The following BIN1 variants were observed in gnomAD, a reference collection of about 807,000 sequenced individuals.
The protein encoded by BIN1 is myc box-dependent-interacting protein 1.
BIN1 carries 53 observed loss-of-function variants against 82.0 expected under a neutral mutation model. The ratio of observed to expected loss-of-function variants is 0.65; its 90% CI spans 0.52 to 0.81. The LOEUF (loss-of-function observed/expected upper bound fraction) is 0.81, where lower values mean the gene tolerates loss of function less well. BIN1 is among the 40% of genes least tolerant of loss of function. The pLI is 0.00. For missense variants in BIN1, 642 were observed against 784.4 expected (o/e 0.82, Z 2.17); for synonymous variants, 302 against 328.0 (o/e 0.92, Z 0.86).
Position 127,090,192 on chromosome 2 carries a change from C to A in BIN1, c.85-13486G>T, listed in dbSNP as rs1215658891. 6.6e-6 allele frequency among the ~76,000 whole-genome samples: 1 copy of A among 152,212 alleles called. No individual in the cohort carries two copies. Among genetic ancestry groups the A allele is most frequent in the Admixed American group, 6.5e-5 (1 of 15,286 alleles). ...CTGCAAGCCACCCCATTACGCTGGG[C>A]CCCTTTGGGAAAAGGGTAAACCGAC... On this transcript the variant is annotated intron_variant, in intron 1 of 18. Transcript: ENST00000316724. This position sits in a 1 kb window ranked among gnomAD's most constrained non-coding sequence, Gnocchi z 6.4.
In BIN1 at chr2:127,066,626, G is replaced by A. The variant is rs547652270; in HGVS notation, c.612+1537C>T. 1.2e-4 allele frequency among the ~76,000 whole-genome samples: 18 copies of A among 152,158 alleles called. No individual in the cohort carries two copies. In the East Asian group the frequency reaches 2.1e-3, roughly 18 times the overall value. ...TCCTCCTCTACCTCCAGAGGCAGAT[G>A]AAGTCTCAGGCCTACTGAAGTCCCC... On this transcript the variant is annotated intron_variant, in intron 7 of 18. Coordinates refer to ENST00000316724, the MANE Select transcript of BIN1 (RefSeq NM_139343.3).
At chr2:127,055,170 G>A (rs1297283801) in intron 12 of BIN1, 1 of 152,428 alleles carries the variant, frequency 6.6e-6, no homozygotes, top group Non-Finnish European at 1.5e-5. Context: ...CACTGACAGG[G>A]GCGCCCTCCC....
At chr2:127,094,151 AC>A (rs1417165937) in intron 1 of BIN1, among the ~76,000 whole-genome samples, 2 of 152,212 alleles carry the variant, frequency 1.3e-5, no homozygotes, top group Non-Finnish European at 2.9e-5. Flanking sequence ...ACAAAAGGGG[AC>A]ACTGAAACTT....
At position 127,106,935 on chromosome 2, in the gene BIN1, C is replaced by G. The variant is rs558639756; in HGVS notation, c.9G>C (p.Glu3Asp). MAEMGSKGVTAGK... is the reference protein window; with the variant it reads MADMGSKGVTAGK... ...CCGCCGTCACCCCTTTACTGCCCAT[C>G]TCTGCCATCGCGGCGCAGGCCTCGC... is the stretch of plus-strand genomic sequence containing the variant. Residue 3 changes from glutamate to aspartate, a missense_variant, in exon 1 of 19, where the codon GAG becomes GAC. Physicochemically the swap from Glu to Asp is conservative, Grantham distance 45. Transcript: ENST00000316724. 79 of 1,611,928 alleles carry G rather than the reference C, an allele frequency of 4.9e-5. 1 individual carries two copies. In the South Asian group the frequency reaches 8.3e-4, roughly 17 times the overall value.
intron 16 of BIN1, 61 bp from the exon 17 acceptor site, chr2:127,050,973 CGAG>C (rs1682862051): frequency 5.8e-6 from 9 of 1,564,850 alleles, no homozygotes; most frequent in South Asian, 4.4e-5. Context: ...CCAGGGCCAC[CGAG>C]GAGAAGAGGG....
chr2:127,081,028 G>A (rs1192439974), intron 1 of BIN1, among the ~76,000 whole-genome samples: 1 of 152,204 alleles, frequency 6.6e-6, no homozygotes, highest in Non-Finnish European at 1.5e-5. Context: ...CTTTGTCATG[G>A]CCCAGTGAGA....
At chr2:127,106,808 G>C (rs1024307202) in intron 1 of BIN1, 52 bp downstream of exon 1, 11 of 1,552,506 alleles carry the variant, frequency 7.1e-6, no homozygotes, top group Non-Finnish European at 3.5e-6. Context: ...CAGGTGGCCG[G>C]GGCTCCGCGG....
At chr2:127,070,691 C>T in intron 3 of BIN1, 44 bp from the exon 4 acceptor site, 1 of 1,613,936 alleles carries the variant, frequency 6.2e-7, no homozygotes, top group Non-Finnish European at 8.5e-7. Context: ...ACTGATAGCG[C>T]TTGTCCCACC....
chr2:127,093,135 G>A lies in BIN1; in HGVS notation c.84+13725C>T, dbSNP rs1039642686. Among the ~76,000 whole-genome samples, 1 of 152,156 alleles carries A rather than the reference G, an allele frequency of 6.6e-6. No individual in the cohort carries two copies. Among genetic ancestry groups the A allele is most frequent in the Non-Finnish European group, 1.5e-5 (1 of 68,014 alleles). ...AGGGAGGGAGGGCGGAAGGGGAAGT[G>A]GGGGCTTACAGTATCACCTGGAGCC... On this transcript the variant is annotated intron_variant, in intron 1 of 18. Transcript: ENST00000316724. The surrounding 1 kb of genome is among the most constrained non-coding windows in gnomAD (Gnocchi z 5.7).
Position 127,062,198 on chromosome 2 carries a change from C to G in BIN1, c.775-1G>C. The G allele has an allele frequency of 6.2e-7, 1 of 1,603,708 alleles. No homozygotes were observed. The highest frequency in any genetic ancestry group is 8.5e-7 in the Non-Finnish European group (1 of 1,175,050). On this transcript the variant is annotated splice_acceptor_variant, in intron 9 of 18. Coordinates refer to ENST00000316724, the MANE Select transcript of BIN1 (RefSeq NM_139343.3). LOFTEE classifies it high-confidence loss of function. ...GCACATCATTGAGGTTCTGGTTGAG[C>G]TGCAGGAGAGACAGTGAGGAGGTGG...
intron 2 of BIN1, 127 bp downstream of exon 2, chr2:127,076,499 A>G (rs1686633349): frequency 9.1e-7 from 1 of 1,095,058 alleles, no homozygotes; most frequent in African/African-American, 1.5e-5. Flanking sequence ...GTCTTACATG[A>G]TCTTGTCAGC....
intron 10 of BIN1, 144 bp downstream of exon 10, chr2:127,061,969 GCA>G (rs1489431668): frequency 8.2e-6 from 7 of 851,358 alleles, no homozygotes; most frequent in African/African-American, 1.7e-5. Flanking sequence ...GCCTCCCTGA[GCA>G]CAGAGAGGCC....
rs960616715 is a variant in BIN1, at chr2:127,082,850, C to G, written c.85-6144G>C. 1.3e-4 allele frequency among the ~76,000 whole-genome samples: 17 copies of G among 135,928 alleles called. No homozygotes were observed. The highest frequency in any genetic ancestry group is 4.7e-4 in the African/African-American group (17 of 36,320). The allele number at this position is 135,928 out of a possible 152,430, so 89.2% of individuals were successfully genotyped here. A position where few individuals can be genotyped will look rare whatever the true frequency, so the allele number is the denominator to read the frequency against. On this transcript the variant is annotated intron_variant, in intron 1 of 18. Coordinates refer to ENST00000316724, the MANE Select transcript of BIN1 (RefSeq NM_139343.3). This position sits in a 1 kb window ranked among gnomAD's most constrained non-coding sequence, Gnocchi z 6.1. ...GAGAGTCTCGGTGGCCTCCAACAAT[C>G]TAGGTGCCATGCAGGAGGCCACAGC...
chr2:127,051,503 G>C (rs979954665), intron 15 of BIN1, among the ~76,000 whole-genome samples: 1 of 152,094 alleles, frequency 6.6e-6, no homozygotes, highest in Non-Finnish European at 1.5e-5. Flanking sequence ...AAGAAGCCCA[G>C]TGCAAGCCCC....
intron 1 of BIN1, among the ~76,000 whole-genome samples, chr2:127,098,902 T>G (rs1038859376): frequency 1.3e-5 from 2 of 152,244 alleles, no homozygotes; most frequent in Middle Eastern, 6.8e-3. Flanking sequence ...AAGAACCCCA[T>G]TTGTGGGCAC....
At chr2:127,081,931 G>T in intron 1 of BIN1, 1 of 1,256,128 alleles carries the variant, frequency 8.0e-7, no homozygotes, top group South Asian at 1.3e-5. Flanking sequence ...GCGGTCGGGG[G>T]CCACGGAGGC....
chr2:127,051,688 C>A (rs1418482338), intron 15 of BIN1, among the ~76,000 whole-genome samples: 1 of 152,224 alleles, frequency 6.6e-6, no homozygotes, highest in Non-Finnish European at 1.5e-5. Flanking sequence ...AGCCTGAGCA[C>A]AACCCAGCGC....
In BIN1 at chr2:127,064,639, G is replaced by A. The variant is rs76146559; in HGVS notation, c.613-621C>T. The stretch of plus-strand genomic sequence containing the variant: ...GAGGCAGCCACTCAGGCACCTCTAG[G>A]AATGTCAGGGGGACCCTAGAGGAGG... On this transcript the variant is annotated intron_variant, in intron 7 of 18. Coordinates refer to ENST00000316724, the MANE Select transcript of BIN1 (RefSeq NM_139343.3). The A allele has an allele frequency of 2.4e-4, 43 of 177,566 alleles. No individual in the cohort carries two copies. The East Asian group carries it at 4.1e-3, about 17-fold the overall frequency. 11.0% of individuals were successfully genotyped at this position (177,566 alleles called of 1,614,324 possible). A position where few individuals can be genotyped will look rare whatever the true frequency, so the allele number is the denominator to read the frequency against.
At position 127,106,974 on chromosome 2, in the gene BIN1, C is replaced by A. The variant is rs768346101; in HGVS notation, c.-31G>T. 1 of 1,597,254 alleles carries A rather than the reference C, an allele frequency of 6.3e-7. No individual in the cohort carries two copies. Among genetic ancestry groups the A allele is most frequent in the Non-Finnish European group, 8.5e-7 (1 of 1,174,354 alleles). The stretch of plus-strand genomic sequence containing the variant: ...CGCAGGCCTCGCCCGGTGGCAGGGG[C>A]CGCTCTCGCGCGGGGAGATCTTGCG... On this transcript the variant is annotated 5_prime_UTR_variant, in exon 1 of 19. Transcript: ENST00000316724.
Sources: gnomAD v4.1 joint callset for allele counts (sites outside exome capture counted in the v4.1 genomes callset) on GRCh38, gnomAD v4.1.1 for gene constraint, Gnocchi (gnomAD v3.1) non-coding constraint, MANE v1.5 for transcripts, NCBI Gene and HGNC (gene_info 2026-07-23, HGNC 2026-07-21) for gene names.